The following LRRC7 variants were observed in gnomAD, a reference collection of about 807,000 sequenced individuals.
LRRC7 encodes leucine-rich repeat-containing protein 7.
LRRC7 carries 23 observed loss-of-function variants against 175.7 expected under a neutral mutation model. The ratio of observed to expected loss-of-function variants is 0.13; its 90% CI spans 0.09 to 0.19. The LOEUF is 0.19. Ranked by LOEUF, LRRC7 falls within the 10% of genes least tolerant of loss-of-function variation. LRRC7 has a pLI of 1.00. For missense variants in LRRC7, 1,354 were observed against 1,904.7 expected (o/e 0.71, Z 5.38); for synonymous variants, 685 against 680.9 (o/e 1.01, Z -0.09).
chr1:69,989,258 A>T (rs1457810156), intron 10 of LRRC7, among the ~76,000 whole-genome samples: 3 of 152,200 alleles, frequency 2.0e-5, no homozygotes, highest in Non-Finnish European at 4.4e-5. Flanking sequence ...TTGCAGTTAG[A>T]CAGGAGGAAT....
At chr1:70,119,825 G>T (rs565755522) in intron 26 of LRRC7, among the ~76,000 whole-genome samples, 252 of 152,130 alleles carry the variant, frequency 1.7e-3, no homozygotes, top group Non-Finnish European at 2.5e-3. Flanking sequence ...TTCTAGGTTT[G>T]AGTCTGCAGA....
chr1:69,736,946 A>G (rs1668180103), intron 2 of LRRC7, among the ~76,000 whole-genome samples: 2 of 152,130 alleles, frequency 1.3e-5, no homozygotes, highest in South Asian at 2.1e-4. Context: ...AAGGAGTTAA[A>G]GGTGACCTTT....
At chr1:69,762,218 G>T (rs572986488) in intron 3 of LRRC7, among the ~76,000 whole-genome samples, 1 of 151,896 alleles carries the variant, frequency 6.6e-6, no homozygotes, top group African/African-American at 2.4e-5. Context: ...AATTTTGTAA[G>T]ATAGGTAGTA....
intron 22 of LRRC7, among the ~76,000 whole-genome samples, chr1:70,046,067 G>C (rs187270131): frequency 2.0e-5 from 3 of 152,128 alleles, no homozygotes; most frequent in Admixed American, 1.3e-4. Flanking sequence ...AGAGATCTTG[G>C]CATGATGGAA....
At chr1:69,985,396 T>G (rs2101896489) in intron 9 of LRRC7, among the ~76,000 whole-genome samples, 1 of 152,342 alleles carries the variant, frequency 6.6e-6, no homozygotes, top group South Asian at 2.1e-4. Flanking sequence ...AGGATCTACA[T>G]GTCAATGTCA....
At chr1:70,115,589 A>T (rs1665799748) in intron 26 of LRRC7, among the ~76,000 whole-genome samples, 1 of 152,172 alleles carries the variant, frequency 6.6e-6, no homozygotes, top group South Asian at 2.1e-4. Flanking sequence ...TTACCTGGAA[A>T]ATGTGCATCA....
At chr1:69,950,408 A>G (rs1213802230) in intron 8 of LRRC7, among the ~76,000 whole-genome samples, 1 of 152,132 alleles carries the variant, frequency 6.6e-6, no homozygotes, top group East Asian at 1.9e-4. Context: ...GAAATTATAT[A>G]GGCTGGAGTT....
rs1482069020 is a variant in LRRC7 at position 70,131,972 on chromosome 1, G to A, written c.*10085G>A. Among the ~76,000 whole-genome samples the A allele has an allele frequency of 6.6e-6, 1 of 152,108 alleles. No homozygotes were observed. Among genetic ancestry groups the A allele is most frequent in the East Asian group, 1.9e-4 (1 of 5,202 alleles). On this transcript the variant is annotated 3_prime_UTR_variant, in exon 27 of 27. Coordinates refer to ENST00000651989, the MANE Select transcript of LRRC7 (RefSeq NM_001370785.2). Reference sequence around the variant, plus strand: ...ATAATGAGAATAATGAGTGAGTAAGGAACAAGAACAGACTAGGGCTGGGAA... The same window carrying A: ...ATAATGAGAATAATGAGTGAGTAAGAAACAAGAACAGACTAGGGCTGGGAA...
At chr1:69,942,699 T>A (rs1374048634) in intron 8 of LRRC7, among the ~76,000 whole-genome samples, 12 of 152,106 alleles carry the variant, frequency 7.9e-5, no homozygotes, top group Non-Finnish European at 1.3e-4. Flanking sequence ...TCTCTTATAA[T>A]GACATTTGTA....
intron 7 of LRRC7, among the ~76,000 whole-genome samples, chr1:69,867,011 A>G (rs1570411789): frequency 6.6e-6 from 1 of 152,192 alleles, no homozygotes; most frequent in South Asian, 2.1e-4. Context: ...GAATAAATAA[A>G]CTAGCAAAGT....
chr1:70,079,530 A>G (rs1156317471), intron 24 of LRRC7, among the ~76,000 whole-genome samples: 1 of 152,242 alleles, frequency 6.6e-6, no homozygotes, highest in Non-Finnish European at 1.5e-5. Flanking sequence ...AACTTTAGTT[A>G]AACAGTAGTC....
chr1:69,955,822 T>C (rs1489846809), intron 8 of LRRC7, among the ~76,000 whole-genome samples: 5 of 151,872 alleles, frequency 3.3e-5, no homozygotes, highest in Non-Finnish European at 4.4e-5. Context: ...ATTGAGCCAA[T>C]AAATATTATA....
At chr1:70,076,046 A>G (rs1662747202) in intron 23 of LRRC7, 31 bp from the exon 24 acceptor site, 1 of 1,609,902 alleles carries the variant, frequency 6.2e-7, no homozygotes, top group Non-Finnish European at 8.5e-7. Context: ...AGCACCATGA[A>G]TCTTTGCCTG....
chr1:69,696,702 C>T (rs1348075088), intron 2 of LRRC7, among the ~76,000 whole-genome samples: 3 of 152,066 alleles, frequency 2.0e-5, no homozygotes, highest in Non-Finnish European at 2.9e-5. Context: ...GTGCTGTCCT[C>T]GTGATAATGC....
At chr1:69,623,730 A>G (rs1006334165) in intron 1 of LRRC7, among the ~76,000 whole-genome samples, 2 of 152,172 alleles carry the variant, frequency 1.3e-5, no homozygotes, top group Non-Finnish European at 2.9e-5. Context: ...TTGTATTATT[A>G]GTATAGATAG....
chr1:69,906,465 C>G (rs981122371), intron 7 of LRRC7, among the ~76,000 whole-genome samples: 6 of 152,104 alleles, frequency 3.9e-5, no homozygotes, highest in Admixed American at 6.5e-5. Context: ...TCCAGTTTCA[C>G]CTTTCTACAT....
At chr1:69,784,289 G>A (rs933359485) in intron 3 of LRRC7, among the ~76,000 whole-genome samples, 1 of 152,156 alleles carries the variant, frequency 6.6e-6, no homozygotes, top group Non-Finnish European at 1.5e-5. Context: ...CCTCTCAGTG[G>A]TGGTGGGTAG....
intron 8 of LRRC7, among the ~76,000 whole-genome samples, chr1:69,954,610 T>C (rs1650300229): frequency 6.6e-6 from 1 of 152,074 alleles, no homozygotes; most frequent in Admixed American, 6.6e-5. Context: ...TTTCATATCA[T>C]GTTGATAGGA....
intron 1 of LRRC7, among the ~76,000 whole-genome samples, chr1:69,600,020 T>G (rs1557461773): frequency 6.6e-6 from 1 of 152,184 alleles, no homozygotes; most frequent in Non-Finnish European, 1.5e-5. Context: ...AGACTAAGTC[T>G]AGAGCCACTC....
Sources: allele counts gnomAD v4.1 joint callset (sites outside exome capture counted in the v4.1 genomes callset), GRCh38; gene constraint gnomAD v4.1.1; transcripts MANE v1.5; gene names NCBI Gene and HGNC (gene_info 2026-07-23, HGNC 2026-07-21).